The following MYO5B variants were observed in gnomAD, a reference collection of about 807,000 sequenced individuals.
The protein encoded by MYO5B is unconventional myosin-Vb.
In MYO5B, 143 loss-of-function variants were observed where a neutral mutation model predicts 229.3. That is an observed-to-expected ratio of 0.62 (90% CI 0.54 to 0.72). MYO5B has a LOEUF of 0.72. MYO5B is among the 30% of genes least tolerant of loss of function. The probability of loss-of-function intolerance (pLI) is 0.00; values close to 1 mark genes in which losing one functional copy is unlikely to be tolerated. For missense variants in MYO5B, 2,321 were observed against 2,331.0 expected, an observed-to-expected ratio of 1.00 and a Z score of 0.09; for synonymous variants, 918 against 885.2, an observed-to-expected ratio of 1.04 and a Z score of -0.66.
At chr18:50,011,561 C>G (rs1183073234) in intron 4 of MYO5B, among the ~76,000 whole-genome samples, 2 of 152,108 alleles carry the variant, frequency 1.3e-5, no homozygotes, top group East Asian at 3.9e-4. Flanking sequence ...TGTTCCTCAT[C>G]CTGCCTTCCC....
At chr18:50,086,422 G>A (rs1228907166) in intron 1 of MYO5B, among the ~76,000 whole-genome samples, 4 of 152,056 alleles carry the variant, frequency 2.6e-5, no homozygotes, top group African/African-American at 7.3e-5. Flanking sequence ...ACTCACCATC[G>A]ATTTTTTCCT....
At chr18:50,029,311 C>T (rs540035960) in intron 4 of MYO5B, among the ~76,000 whole-genome samples, 6 of 152,064 alleles carry the variant, frequency 3.9e-5, no homozygotes, top group East Asian at 1.9e-4. Flanking sequence ...GTGAACAGCC[C>T]GGAGCATCCC....
chr18:50,016,966 C>T lies in MYO5B; in HGVS notation c.456-15555G>A, dbSNP rs796309665. ...TACCCCCTTCACCCCATCTCTACCC[C>T]TATCTTAAATCTACTCCCCCAATCT... is the stretch of plus-strand genomic sequence containing the variant. On this transcript the variant is annotated intron_variant, in intron 4 of 39. Coordinates refer to ENST00000285039, the MANE Select transcript of MYO5B (RefSeq NM_001080467.3). Among the ~76,000 whole-genome samples, 11 of 151,868 alleles carry T rather than the reference C, an allele frequency of 7.2e-5. No homozygotes were observed. The South Asian group carries it at 1.7e-3, about 23-fold the overall frequency.
intron 2 of MYO5B, among the ~76,000 whole-genome samples, chr18:50,050,638 C>T (rs927936074): frequency 1.3e-5 from 2 of 152,164 alleles, no homozygotes; most frequent in Admixed American, 1.3e-4. Flanking sequence ...TGCTCAACGC[C>T]GCTCTGGTGA....
intron 1 of MYO5B, among the ~76,000 whole-genome samples, chr18:50,151,036 G>A (rs970822903): frequency 3.3e-5 from 5 of 152,158 alleles, no homozygotes; most frequent in African/African-American, 1.2e-4. Flanking sequence ...CAGCTCTCAG[G>A]AGCCTTCCTC....
At chr18:50,172,599 T>C (rs1221400346) in intron 1 of MYO5B, among the ~76,000 whole-genome samples, 3 of 152,252 alleles carry the variant, frequency 2.0e-5, no homozygotes, top group African/African-American at 7.2e-5. Context: ...AGCATTACCC[T>C]ATAAAGTGAA....
intron 16 of MYO5B, among the ~76,000 whole-genome samples, chr18:49,934,695 G>C (rs1787594): frequency 0.17 from 25,524 of 152,170 alleles, 2,480 homozygotes; most frequent in African/African-American, 0.25. Context: ...CACCCAGGGG[G>C]AATTCCTAAG....
rs187295299 is a variant in MYO5B, at chr18:49,836,696, G to A, written c.5313+15C>T. 181 of 1,613,760 alleles carry A rather than the reference G, an allele frequency of 1.1e-4. No homozygotes were observed. In the African/African-American group the frequency reaches 2.0e-3, roughly 18 times the overall value. On this transcript the variant is annotated intron_variant, in intron 38 of 39. Coordinates refer to ENST00000285039, the MANE Select transcript of MYO5B (RefSeq NM_001080467.3). Reference sequence around the variant, plus strand: ...CTTGGAATACCATGTTGACAGAGGTGCAAAGTGACTGTACCTGCTGGGTGC... The same window carrying A: ...CTTGGAATACCATGTTGACAGAGGTACAAAGTGACTGTACCTGCTGGGTGC...
intron 1 of MYO5B, among the ~76,000 whole-genome samples, chr18:50,113,902 G>A (rs2031912010): frequency 6.6e-6 from 1 of 152,174 alleles, no homozygotes; most frequent in Non-Finnish European, 1.5e-5. Context: ...AATTGAAAAA[G>A]AGAACACACA....
intron 14 of MYO5B, among the ~76,000 whole-genome samples, chr18:49,951,704 T>C (rs2025432642): frequency 1.3e-5 from 2 of 152,186 alleles, no homozygotes; most frequent in Admixed American, 1.3e-4. Context: ...TCTCCATCCC[T>C]CGTTTCTGCT....
chr18:50,186,014 A>C (rs558173419), intron 1 of MYO5B, among the ~76,000 whole-genome samples: 2 of 152,338 alleles, frequency 1.3e-5, no homozygotes, highest in African/African-American at 4.8e-5. Context: ...GGTACTTTAA[A>C]TTTTCTAATA....
At chr18:50,122,058 C>T (rs1277518640) in intron 1 of MYO5B, among the ~76,000 whole-genome samples, 1 of 152,228 alleles carries the variant, frequency 6.6e-6, no homozygotes, top group African/African-American at 2.4e-5. Flanking sequence ...GCTTTGCAGC[C>T]ATGCAACCTC....
intron 35 of MYO5B, 74 bp downstream of exon 35, chr18:49,841,291 G>C (rs2024054096): frequency 5.1e-6 from 7 of 1,384,114 alleles, no homozygotes; most frequent in Non-Finnish European, 7.2e-6. Context: ...TGACCTCTGA[G>C]GGTATACAAA....
intron 4 of MYO5B, among the ~76,000 whole-genome samples, chr18:50,035,047 G>C (rs1365979701): frequency 6.6e-6 from 1 of 152,120 alleles, no homozygotes; most frequent in Non-Finnish European, 1.5e-5. Context: ...TCCCCATAAT[G>C]GGTGCAAAGG....
chr18:49,837,886 G>C, intron 36 of MYO5B, 84 bp from the exon 37 acceptor site: 2 of 1,531,326 alleles, frequency 1.3e-6, no homozygotes, highest in Non-Finnish European at 1.8e-6. Flanking sequence ...TAGTGCTCCG[G>C]GCTTTAGCAA....
chr18:50,018,303 C>G (rs201160844), intron 4 of MYO5B, among the ~76,000 whole-genome samples: 1 of 44,418 alleles, frequency 2.3e-5, no homozygotes, highest in Non-Finnish European at 6.3e-5. Flanking sequence ...TTTTTTTTTG[C>G]TTGATGATAC....
rs540675704 is a variant in MYO5B at position 50,192,402 on chromosome 18, G to A, written c.27+2365C>T. ...ATCAAAGCAAAGACTGCCAAGAGGT[G>A]GAAGAGGTCCAGTCACAGCAAAGAT... On this transcript the variant is annotated intron_variant, in intron 1 of 39. Transcript: ENST00000285039. Among the ~76,000 whole-genome samples the A allele has an allele frequency of 9.8e-5, 15 of 152,320 alleles. No homozygotes were observed. The South Asian group carries it at 2.1e-3, about 21-fold the overall frequency.
intron 21 of MYO5B, among the ~76,000 whole-genome samples, chr18:49,897,630 A>G (rs1368449251): frequency 4.6e-5 from 7 of 152,230 alleles, no homozygotes; most frequent in Non-Finnish European, 8.8e-5. Flanking sequence ...AAATTTTTGT[A>G]GAGTTGTACA....
At chr18:49,856,633 C>T (rs1414522195) in intron 30 of MYO5B, among the ~76,000 whole-genome samples, 180 bp downstream of exon 30, 1 of 152,250 alleles carries the variant, frequency 6.6e-6, no homozygotes, top group Non-Finnish European at 1.5e-5. Flanking sequence ...CAGCCACCCT[C>T]AGCCATATCT....
Sources: allele counts gnomAD v4.1 joint callset (sites outside exome capture counted in the v4.1 genomes callset), GRCh38; gene constraint gnomAD v4.1.1; transcripts MANE v1.5; gene names NCBI Gene and HGNC (gene_info 2026-07-23, HGNC 2026-07-21).